Variants in CORIN observed in about 807,000 individuals in gnomAD.
The protein encoded by CORIN is corin, serine peptidase.
CORIN carries 117 observed loss-of-function variants against 125.3 expected under a neutral mutation model. The ratio of observed to expected loss-of-function variants is 0.93; its 90% CI spans 0.80 to 1.09. CORIN has a LOEUF of 1.09. Ranked by LOEUF, CORIN falls within the 50% of genes least tolerant of loss-of-function variation. The pLI, the probability that CORIN is intolerant of heterozygous loss-of-function variation, is 0.00. For missense variants in CORIN, 1,253 were observed against 1,306.7 expected, an observed-to-expected ratio of 0.96 and a Z score of 0.63; for synonymous variants, 450 against 466.4, an observed-to-expected ratio of 0.96 and a Z score of 0.45.
chr4:47,773,811 C>T (rs528818769), intron 3 of CORIN, among the ~76,000 whole-genome samples: 98 of 150,750 alleles, frequency 6.5e-4, no homozygotes, highest in African/African-American at 2.3e-3. Context: ...AAATGTATAC[C>T]TAGGTATATA....
chr4:47,773,826 T>C (rs1366288942), intron 3 of CORIN, among the ~76,000 whole-genome samples: 2 of 151,704 alleles, frequency 1.3e-5, no homozygotes, highest in Non-Finnish European at 2.9e-5. Context: ...TATATATATT[T>C]ATTAAAACCA....
intron 2 of CORIN, among the ~76,000 whole-genome samples, chr4:47,806,302 C>T (rs113237832): frequency 1.6e-4 from 24 of 152,222 alleles, no homozygotes; most frequent in African/African-American, 5.8e-4. Flanking sequence ...ATGTAAGATG[C>T]TGTTTAATTT....
chr4:47,623,474 T>G, intron 19 of CORIN, 97 bp downstream of exon 19: 1 of 1,318,044 alleles, frequency 7.6e-7, no homozygotes, highest in Non-Finnish European at 1.1e-6. Flanking sequence ...GGCTTTCGCC[T>G]GGATGTGGCT....
chr4:47,693,395 G>A (rs1725857456), intron 5 of CORIN, among the ~76,000 whole-genome samples: 1 of 152,180 alleles, frequency 6.6e-6, no homozygotes, highest in African/African-American at 2.4e-5. Flanking sequence ...TTTATGTGGG[G>A]AGAATACCCA....
At chr4:47,751,108 A>T (rs1728879552) in intron 4 of CORIN, among the ~76,000 whole-genome samples, 1 of 152,188 alleles carries the variant, frequency 6.6e-6, no homozygotes, top group African/African-American at 2.4e-5. Flanking sequence ...ACCACTGAAT[A>T]AAAGTCTAAA....
intron 1 of CORIN, among the ~76,000 whole-genome samples, chr4:47,809,490 C>T (rs191753089): frequency 1.0e-3 from 155 of 150,714 alleles, no homozygotes; most frequent in African/African-American, 3.6e-3. Flanking sequence ...CTGCAACCTC[C>T]GCCTTCCAGG....
intron 5 of CORIN, among the ~76,000 whole-genome samples, chr4:47,719,591 T>A (rs1727253768): frequency 6.6e-6 from 1 of 152,194 alleles, no homozygotes; most frequent in Non-Finnish European, 1.5e-5. Context: ...ACATCATGTG[T>A]TTTGTTACAA....
intron 19 of CORIN, among the ~76,000 whole-genome samples, chr4:47,618,311 G>T (rs1186801437): frequency 5.0e-5 from 7 of 141,030 alleles, no homozygotes; most frequent in African/African-American, 1.9e-4. Flanking sequence ...TCCAGCTTGG[G>T]CAACAGGAGT....
At chr4:47,828,973 A>G (rs763353573) in intron 1 of CORIN, among the ~76,000 whole-genome samples, 1 of 151,968 alleles carries the variant, frequency 6.6e-6, no homozygotes. Flanking sequence ...CTTGGCTAAC[A>G]CGGTGAAACC....
intron 2 of CORIN, 80 bp downstream of exon 2, chr4:47,806,823 G>C: frequency 7.0e-7 from 1 of 1,421,624 alleles, no homozygotes; most frequent in Non-Finnish European, 9.4e-7. Flanking sequence ...GGTTAAATAA[G>C]TACTAAGTAG....
At chr4:47,754,320 C>A (rs942571691) in intron 4 of CORIN, among the ~76,000 whole-genome samples, 2 of 152,128 alleles carry the variant, frequency 1.3e-5, no homozygotes, top group African/African-American at 4.8e-5. Flanking sequence ...TTGCTACAAC[C>A]AGCTGCCTAA....
chr4:47,816,452 C>A (rs1000481310), intron 1 of CORIN, among the ~76,000 whole-genome samples: 5 of 152,074 alleles, frequency 3.3e-5, no homozygotes, highest in Non-Finnish European at 7.4e-5. Flanking sequence ...AACATCTATT[C>A]TGTGTTATAG....
At chr4:47,634,670 C>T (rs1245432372) in intron 16 of CORIN, among the ~76,000 whole-genome samples, 2 of 152,244 alleles carry the variant, frequency 1.3e-5, no homozygotes, top group African/African-American at 2.4e-5. Context: ...GTTGAAGATA[C>T]AAATAAAAAT....
At chr4:47,634,302 T>A (rs529246774) in intron 16 of CORIN, among the ~76,000 whole-genome samples, 47 of 152,124 alleles carry the variant, frequency 3.1e-4, no homozygotes, top group Non-Finnish European at 6.3e-4. Context: ...TTCGTCTTTA[T>A]AACCAAAAAA....
chr4:47,640,916 G>A (rs1461034261), intron 16 of CORIN, among the ~76,000 whole-genome samples: 3 of 152,152 alleles, frequency 2.0e-5, no homozygotes, highest in Non-Finnish European at 4.4e-5. Flanking sequence ...GACACAATAA[G>A]GAAGTTGTGA....
chr4:47,642,889 A>G (rs1331081567), intron 15 of CORIN: 3 of 1,478,062 alleles, frequency 2.0e-6, no homozygotes, highest in Non-Finnish European at 2.7e-6. Context: ...TCTCCCAGCA[A>G]TTATATGATT....
At chr4:47,629,172 G>T (rs1335324902) in intron 16 of CORIN, among the ~76,000 whole-genome samples, 1 of 152,046 alleles carries the variant, frequency 6.6e-6, no homozygotes, top group Non-Finnish European at 1.5e-5. Context: ...AATATATAGG[G>T]TTTCCCCTTC....
At chr4:47,683,189 C>T (rs1343860773) in intron 7 of CORIN, 2 of 152,162 alleles carry the variant, frequency 1.3e-5, no homozygotes, top group African/African-American at 4.8e-5. Flanking sequence ...CAGAATTGGA[C>T]ATGACTCTTT....
At chr4:47,793,941 G>C (rs774020112) in intron 2 of CORIN, among the ~76,000 whole-genome samples, 4 of 152,116 alleles carry the variant, frequency 2.6e-5, no homozygotes, top group Non-Finnish European at 5.9e-5. Flanking sequence ...GGCCACACTT[G>C]AGAACAAGGC....
Sources: allele counts gnomAD v4.1 joint callset (sites outside exome capture counted in the v4.1 genomes callset), GRCh38; gene constraint gnomAD v4.1.1; transcripts MANE v1.5; gene names NCBI Gene and HGNC (gene_info 2026-07-23, HGNC 2026-07-21).